ETFBKMT: variants seen among roughly 807,000 people sequenced by gnomAD.
ETFBKMT encodes electron transfer flavoprotein beta subunit lysine methyltransferase.
A neutral mutation model predicts 18.3 loss-of-function variants in ETFBKMT; 13 were observed. The ratio of observed to expected loss-of-function variants is 0.71; its 90% CI spans 0.46 to 1.13. The LOEUF is 1.13. ETFBKMT is among the 50% of genes most tolerant of loss of function. ETFBKMT has a pLI of 0.00. For synonymous variants in ETFBKMT, 84 were observed against 107.9 expected, an observed-to-expected ratio of 0.78 and a Z score of 1.37; for missense variants, 293 against 306.2, an observed-to-expected ratio of 0.96 and a Z score of 0.32.
intron 3 of ETFBKMT, among the ~76,000 whole-genome samples, chr12:31,666,684 T>C (rs1157159476): frequency 2.0e-5 from 3 of 152,146 alleles, no homozygotes; most frequent in African/African-American, 7.2e-5. Context: ...AGAGTCTCCC[T>C]CTGTCACCCA....
chr12:31,663,464 G>C (rs1592136684), intron 2 of ETFBKMT, among the ~76,000 whole-genome samples: 1 of 152,274 alleles, frequency 6.6e-6, no homozygotes, highest in South Asian at 2.1e-4. Flanking sequence ...GACCTCAAGT[G>C]ATCCGCCAGC....
rs1318254316 is a variant in ETFBKMT at position 31,668,867 on chromosome 12, A to G, written c.*877A>G. On this transcript the variant is annotated 3_prime_UTR_variant, in exon 4 of 4. Transcript: ENST00000357721. ...TCTATCTCTGCTTACGTCACCCATCATTCTTGCGTGTTGTATGCTTTTCGC... is the reference window on the plus strand; with the variant it reads ...TCTATCTCTGCTTACGTCACCCATCGTTCTTGCGTGTTGTATGCTTTTCGC... 6.6e-6 allele frequency: 1 copy of G among 152,100 alleles called. No individual in the cohort carries two copies. The highest frequency in any genetic ancestry group is 1.5e-5 in the Non-Finnish European group (1 of 68,014). The allele number at this position is 152,100 out of a possible 1,614,324, so 9.4% of individuals were successfully genotyped here. A position where few individuals can be genotyped will look rare whatever the true frequency, so the allele number is the denominator to read the frequency against.
At chr12:31,665,776 A>T (rs1951186119) in intron 2 of ETFBKMT, among the ~76,000 whole-genome samples, 1 of 152,222 alleles carries the variant, frequency 6.6e-6, no homozygotes. Context: ...AAATAAAGGG[A>T]TGGGTTGGGT....
chr12:31,667,297 G>A (rs924724717), intron 3 of ETFBKMT, among the ~76,000 whole-genome samples: 1 of 152,172 alleles, frequency 6.6e-6, no homozygotes, highest in Non-Finnish European at 1.5e-5. Flanking sequence ...GCCCAGCCAA[G>A]GGGTCTCAGT....
At chr12:31,652,814 T>C (rs1951028508) in intron 1 of ETFBKMT, among the ~76,000 whole-genome samples, 1 of 152,188 alleles carries the variant, frequency 6.6e-6, no homozygotes, top group South Asian at 2.1e-4. Context: ...AGAGAAAGAT[T>C]GAGAGAGAAT....
rs533672810 is a variant in ETFBKMT at position 31,669,765 on chromosome 12, G to C, written c.*1775G>C. On this transcript the variant is annotated 3_prime_UTR_variant, in exon 4 of 4. Coordinates refer to ENST00000357721, the MANE Select transcript of ETFBKMT (RefSeq NM_001135863.2). ...CAGAATAGGTTCAGAGTGACTGCAG[G>C]GTTGCCACACCTGGTTAGATAACGT... 3 of 151,958 alleles carry C rather than the reference G, an allele frequency of 2.0e-5. No individual in the cohort carries two copies. The highest frequency in any genetic ancestry group is 4.8e-5 in the African/African-American group (2 of 41,366). 9.4% of individuals were successfully genotyped at this position (151,958 alleles called of 1,614,324 possible). A position where few individuals can be genotyped will look rare whatever the true frequency, so the allele number is the denominator to read the frequency against.
Position 31,665,989 on chromosome 12 carries a change from C to T in ETFBKMT, c.315-98C>T, listed in dbSNP as rs960510362. The T allele has an allele frequency of 3.0e-6, 3 of 1,010,532 alleles. No individual in the cohort carries two copies. The African/African-American group carries it at 4.9e-5, about 17-fold the overall frequency. The allele number at this position is 1,010,532 out of a possible 1,614,324, so 62.6% of individuals were successfully genotyped here. A position where few individuals can be genotyped will look rare whatever the true frequency, so the allele number is the denominator to read the frequency against. ...GTGCTGCAGAGATTTTGTTTATAGC[C>T]AGTTTTGGGGCCAGTTTATGGCCAG... On this transcript the variant is annotated intron_variant, in intron 2 of 3. Coordinates refer to ENST00000357721, the MANE Select transcript of ETFBKMT (RefSeq NM_001135863.2).
chr12:31,665,328 T>C (rs1316497181), intron 2 of ETFBKMT, among the ~76,000 whole-genome samples: 1 of 152,158 alleles, frequency 6.6e-6, no homozygotes, highest in African/African-American at 2.4e-5. Context: ...AAAGACCAAA[T>C]GACTAGGTCC....
chr12:31,655,991 A>C (rs1277408370), upstream of ETFBKMT, among the ~76,000 whole-genome samples: 1 of 152,240 alleles, frequency 6.6e-6, no homozygotes. Flanking sequence ...AAAGCTGTTA[A>C]AAGTAAATTT....
At chr12:31,656,205 T>C (rs191930811), upstream of ETFBKMT, among the ~76,000 whole-genome samples, 15 of 152,216 alleles carry the variant, frequency 9.9e-5, no homozygotes, top group African/African-American at 3.6e-4. Context: ...ATAGGAAGAT[T>C]AGCGTGTAGG....
chr12:31,651,376 C>A (rs1240776050), intron 1 of ETFBKMT, among the ~76,000 whole-genome samples: 1 of 150,246 alleles, frequency 6.7e-6, no homozygotes, highest in Admixed American at 6.6e-5. Flanking sequence ...GTGGCGCAAT[C>A]TCGGCTCACT....
intron 1 of ETFBKMT, among the ~76,000 whole-genome samples, chr12:31,650,569 G>A (rs770573344): frequency 4.7e-5 from 7 of 149,964 alleles, no homozygotes; most frequent in African/African-American, 7.4e-5. Context: ...GATCTGAATC[G>A]TGATCCCTTT....
Position 31,670,019 on chromosome 12 carries a change from T to G in ETFBKMT, c.*2029T>G, listed in dbSNP as rs1309007771. The G allele has an allele frequency of 2.6e-5, 4 of 152,216 alleles. No homozygotes were observed. The highest frequency in any genetic ancestry group is 6.5e-5 in the Admixed American group (1 of 15,272). 9.4% of individuals were successfully genotyped at this position (152,216 alleles called of 1,614,324 possible). A position where few individuals can be genotyped will look rare whatever the true frequency, so the allele number is the denominator to read the frequency against. On this transcript the variant is annotated 3_prime_UTR_variant, in exon 4 of 4. Transcript: ENST00000357721. ...GGCATGCACCACCATGCCCAGCTAATTTTTGTATTTTTAGTAAAGACAGGG... is the reference window on the plus strand; with the variant it reads ...GGCATGCACCACCATGCCCAGCTAAGTTTTGTATTTTTAGTAAAGACAGGG...
intron 1 of ETFBKMT, among the ~76,000 whole-genome samples, chr12:31,653,580 A>C (rs1951035002): frequency 6.6e-6 from 1 of 152,248 alleles, no homozygotes; most frequent in Non-Finnish European, 1.5e-5. Context: ...ATTTGTTGCA[A>C]GGGCAGTTTG....
chr12:31,672,397 CA>C lies in ETFBKMT; in HGVS notation c.*4409del, dbSNP rs1951295856. On this transcript the variant is annotated 3_prime_UTR_variant, in exon 4 of 4. Transcript: ENST00000357721. Reference sequence around the variant, plus strand: ...AATGATCTATAAAAGAAAACAATGACAATATATTAATTGACAATAAAAAATG... The same window carrying C: ...AATGATCTATAAAAGAAAACAATGACATATATTAATTGACAATAAAAAATG... The C allele has an allele frequency of 1.2e-5, 18 of 1,513,266 alleles. No individual in the cohort carries two copies. The highest frequency in any genetic ancestry group is 1.4e-5 in the African/African-American group (1 of 72,334). 93.7% of individuals were successfully genotyped at this position (1,513,266 alleles called of 1,614,324 possible).
At chr12:31,648,713 C>T (rs374727584) in intron 1 of ETFBKMT, among the ~76,000 whole-genome samples, 3 of 152,082 alleles carry the variant, frequency 2.0e-5, no homozygotes, top group African/African-American at 4.8e-5. Flanking sequence ...AGGGGCCCAC[C>T]ACCACGCCTG....
At chr12:31,663,254 G>A (rs1405981998) in intron 2 of ETFBKMT, among the ~76,000 whole-genome samples, 3 of 151,968 alleles carry the variant, frequency 2.0e-5, no homozygotes, top group African/African-American at 4.8e-5. Context: ...CACCATGCCC[G>A]GCTAATTTTT....
chr12:31,661,839 A>G lies in ETFBKMT; in HGVS notation c.-113-2A>G, dbSNP rs900625490. 1.8e-5 allele frequency: 16 copies of G among 878,428 alleles called. No individual in the cohort carries two copies. The Middle Eastern group carries it at 7.0e-4, about 38-fold the overall frequency. 54.4% of individuals were successfully genotyped at this position (878,428 alleles called of 1,614,324 possible). A position where few individuals can be genotyped will look rare whatever the true frequency, so the allele number is the denominator to read the frequency against. ...CAGTATTACTTTTCTTTTTTTTTTCAGAGTCAGAGGTTCCGGTTGAGATCA... is the reference window on the plus strand; with the variant it reads ...CAGTATTACTTTTCTTTTTTTTTTCGGAGTCAGAGGTTCCGGTTGAGATCA... On this transcript the variant is annotated splice_acceptor_variant, in intron 1 of 3. Transcript: ENST00000357721. LOFTEE classifies it low-confidence loss of function (5UTR_SPLICE).
At chr12:31,653,419 C>CCCTTTTGTAGCCAACTGGTCTTATA (rs764124877) in intron 1 of ETFBKMT, among the ~76,000 whole-genome samples, 8,963 of 152,236 alleles carry the variant, frequency 0.059, 524 homozygotes, top group East Asian at 0.27. Context: ...AGTGAGGATT[C>CCCTTTTGTAGCCAACTGGTCTTATA]TAGTGTCAGT....
Sources: allele counts gnomAD v4.1 joint callset (sites outside exome capture counted in the v4.1 genomes callset), GRCh38; gene constraint gnomAD v4.1.1; transcripts MANE v1.5; gene names NCBI Gene and HGNC (gene_info 2026-07-23, HGNC 2026-07-21).